Variants in MAP7 observed in about 807,000 individuals in gnomAD.
MAP7 encodes microtubule associated protein 7.
In MAP7, 52 loss-of-function variants were observed where a neutral mutation model predicts 94.8. The observed-to-expected ratio is 0.55, with a 90% confidence interval of 0.44 to 0.69. MAP7 has a LOEUF of 0.69. Ranked by LOEUF, MAP7 falls within the 30% of genes least tolerant of loss-of-function variation. The pLI is 0.00. For missense variants in MAP7, 940 were observed against 964.6 expected, an observed-to-expected ratio of 0.97 and a Z score of 0.34; for synonymous variants, 350 against 357.0, an observed-to-expected ratio of 0.98 and a Z score of 0.22.
At chr6:136,364,303 T>G (rs1231893762) in intron 10 of MAP7, 1 of 508,824 alleles carries the variant, frequency 2.0e-6, no homozygotes. Context: ...AATGTTGACA[T>G]GGGGAGCCTC....
At chr6:136,477,790 C>T (rs567429563) in intron 1 of MAP7, among the ~76,000 whole-genome samples, 1 of 152,300 alleles carries the variant, frequency 6.6e-6, no homozygotes, top group African/African-American at 2.4e-5. Flanking sequence ...ACTCAATCTG[C>T]ACTATAGATC....
At chr6:136,362,977 A>G (rs1435981488) in intron 10 of MAP7, among the ~76,000 whole-genome samples, 1 of 152,218 alleles carries the variant, frequency 6.6e-6, no homozygotes, top group Non-Finnish European at 1.5e-5. Flanking sequence ...CATATATTGA[A>G]TGTGTACAAA....
At chr6:136,359,252 T>A (rs752249230) in intron 15 of MAP7, among the ~76,000 whole-genome samples, 8 of 152,200 alleles carry the variant, frequency 5.3e-5, no homozygotes, top group Non-Finnish European at 1.0e-4. Flanking sequence ...TATGGAAATA[T>A]CACTCTGGAC....
intron 11 of MAP7, 134 bp downstream of exon 11, chr6:136,362,316 T>A: frequency 8.5e-7 from 1 of 1,179,724 alleles, no homozygotes; most frequent in African/African-American, 1.5e-5. Context: ...CATAGGAAAA[T>A]TAGGTAAGAG....
At chr6:136,414,808 ATTT>A (rs550449278) in intron 2 of MAP7, among the ~76,000 whole-genome samples, 12 of 123,280 alleles carry the variant, frequency 9.7e-5, no homozygotes, top group Non-Finnish European at 1.4e-4. Flanking sequence ...CAATCAGCTA[ATTT>A]TTTTTTTTTT....
At chr6:136,368,104 A>T (rs1472958576) in intron 8 of MAP7, among the ~76,000 whole-genome samples, 1 of 152,082 alleles carries the variant, frequency 6.6e-6, no homozygotes, top group Non-Finnish European at 1.5e-5. Flanking sequence ...TTTCTTTTTT[A>T]AAAGTTATCT....
intron 8 of MAP7, among the ~76,000 whole-genome samples, chr6:136,368,224 C>T (rs543714996): frequency 8.8e-4 from 134 of 151,726 alleles, no homozygotes; most frequent in African/African-American, 3.1e-3. Context: ...TTTTTTAAAC[C>T]TTTCAGTCCT....
rs1826480096 is a variant in MAP7, at chr6:136,521,798, G to A, written c.67+28544C>T. Reference sequence around the variant, plus strand: ...TCAGCCAGACATTTGGGATGGGATAGGAGTCTATATCCCTTAAACGCCCTG... The same window carrying A: ...TCAGCCAGACATTTGGGATGGGATAAGAGTCTATATCCCTTAAACGCCCTG... On this transcript the variant is annotated intron_variant, in intron 1 of 17. Coordinates refer to ENST00000354570, the MANE Select transcript of MAP7 (RefSeq NM_003980.6). Among the ~76,000 whole-genome samples, 4 of 152,180 alleles carry A rather than the reference G, an allele frequency of 2.6e-5. No homozygotes were observed. The South Asian group carries it at 8.3e-4, about 32-fold the overall frequency.
chr6:136,418,629 A>T (rs1040057612), intron 2 of MAP7, among the ~76,000 whole-genome samples: 1 of 152,254 alleles, frequency 6.6e-6, no homozygotes, highest in Admixed American at 6.5e-5. Flanking sequence ...AAGGTAAAAG[A>T]GGAAAGAACA....
chr6:136,540,280 G>C (rs191242890), intron 1 of MAP7, among the ~76,000 whole-genome samples: 53 of 152,216 alleles, frequency 3.5e-4, no homozygotes, highest in African/African-American at 1.2e-3. Context: ...CAGAGCCAGG[G>C]ACCTGGTGAT....
intron 16 of MAP7, among the ~76,000 whole-genome samples, chr6:136,354,190 A>G (rs926679268): frequency 2.8e-5 from 4 of 144,856 alleles, no homozygotes; most frequent in Non-Finnish European, 6.0e-5. Context: ...AAAAATATAT[A>G]TATCTACTAT....
intron 1 of MAP7, among the ~76,000 whole-genome samples, chr6:136,546,766 T>C (rs1168366498): frequency 6.6e-6 from 1 of 152,212 alleles, no homozygotes; most frequent in Non-Finnish European, 1.5e-5. Context: ...AATTCTTACA[T>C]CAATACGAGG....
intron 1 of MAP7, among the ~76,000 whole-genome samples, chr6:136,502,502 A>G (rs188336502): frequency 6.6e-6 from 1 of 152,378 alleles, no homozygotes; most frequent in Admixed American, 6.5e-5. Flanking sequence ...TATGGGAAAC[A>G]TAACTGCAAA....
Position 136,359,847 on chromosome 6 carries a change from C to A in MAP7, c.1885G>T (p.Ala629Ser), listed in dbSNP as rs559894538. Residue 629 changes from alanine (A) to serine (S), a missense_variant, in exon 15 of 18, where the codon GCC becomes TCC. Ala to Ser is a moderately conservative substitution (Grantham distance 99). Coordinates refer to ENST00000354570, the MANE Select transcript of MAP7 (RefSeq NM_003980.6). The stretch of plus-strand genomic sequence containing the variant: ...GTTCCTCCAGTGAGAGCTCCCTTGG[C>A]TATATCACCGTTTCTCTGATCACTG... ...KTSDQRNGDI[A>S]KGALTGGTEV... 9.2e-5 allele frequency: 149 copies of A among 1,613,310 alleles called. No homozygotes were observed. The highest frequency in any genetic ancestry group is 1.2e-4 in the Non-Finnish European group (145 of 1,179,974).
At chr6:136,493,413 G>A (rs376759370) in intron 1 of MAP7, among the ~76,000 whole-genome samples, 1 of 151,786 alleles carries the variant, frequency 6.6e-6, no homozygotes, top group African/African-American at 2.4e-5. Context: ...ATAAGCCACC[G>A]CACCGGCTTC....
intron 3 of MAP7, among the ~76,000 whole-genome samples, chr6:136,409,548 AT>A (rs1786708279): frequency 6.6e-6 from 1 of 152,232 alleles, no homozygotes; most frequent in Non-Finnish European, 1.5e-5. Context: ...CTCTCAGCAA[AT>A]GTCTTTTTTC....
Position 136,360,808 on chromosome 6 carries a change from G to A in MAP7, c.1702-10C>T, listed in dbSNP as rs763942498. On this transcript the variant is annotated splice_polypyrimidine_tract_variant and intron_variant, in intron 12 of 17. Coordinates refer to ENST00000354570, the MANE Select transcript of MAP7 (RefSeq NM_003980.6). ...GAGCTTCTTCTTCTTTCTGAAAACA[G>A]AAGGTCGGCGTCTGCCTCTGACAAA... The A allele has an allele frequency of 6.2e-7, 1 of 1,613,030 alleles. No individual in the cohort carries two copies. Among genetic ancestry groups the A allele is most frequent in the African/African-American group, 1.3e-5 (1 of 74,938 alleles).
intron 1 of MAP7, among the ~76,000 whole-genome samples, chr6:136,523,027 C>G (rs1435821712): frequency 6.6e-6 from 1 of 151,528 alleles, no homozygotes; most frequent in Non-Finnish European, 1.5e-5. Flanking sequence ...AGGGCAAGAC[C>G]CTGTCACTAA....
intron 1 of MAP7, chr6:136,525,701 A>C: frequency 2.7e-5 from 25 of 937,766 alleles, no homozygotes; most frequent in Middle Eastern, 3.4e-4. Context: ...CACTACCAGC[A>C]AACCGTGCTA....
Sources: gnomAD v4.1 joint callset for allele counts (sites outside exome capture counted in the v4.1 genomes callset) on GRCh38, gnomAD v4.1.1 for gene constraint, MANE v1.5 for transcripts, NCBI Gene and HGNC (gene_info 2026-07-23, HGNC 2026-07-21) for gene names.